Variants in PEX5L observed in about 807,000 individuals in gnomAD.
The protein encoded by PEX5L is peroxisomal biogenesis factor 5 like.
Under a neutral mutation model 84.0 loss-of-function variants are expected in PEX5L, and 30 were observed. The observed-to-expected ratio is 0.36, with a 90% CI of 0.27 to 0.48. PEX5L has a LOEUF of 0.48. Ranked by LOEUF, PEX5L falls within the 20% of genes least tolerant of loss-of-function variation. The pLI is 0.99. For synonymous variants in PEX5L, 270 were observed against 283.1 expected (o/e 0.95, Z 0.46); for missense variants, 533 against 754.6 (o/e 0.71, Z 3.44).
At chr3:179,916,449 A>C (rs958032227) in intron 2 of PEX5L, among the ~76,000 whole-genome samples, 2 of 152,212 alleles carry the variant, frequency 1.3e-5, no homozygotes, top group African/African-American at 4.8e-5. Context: ...TGGTATACCA[A>C]TATAGGGTAC....
intron 1 of PEX5L, among the ~76,000 whole-genome samples, chr3:179,972,053 A>C (rs1784895647): frequency 6.6e-6 from 1 of 152,128 alleles, no homozygotes; most frequent in Admixed American, 6.6e-5. Flanking sequence ...AAGACTTCCA[A>C]CTATTCAATG....
intron 1 of PEX5L, among the ~76,000 whole-genome samples, chr3:180,025,061 G>A (rs556170065): frequency 6.6e-5 from 10 of 152,298 alleles, no homozygotes; most frequent in Middle Eastern, 3.4e-3. Context: ...ATTAAACTGC[G>A]TAGACTGCTT....
chr3:179,844,499 C>T (rs1291452658), intron 8 of PEX5L, among the ~76,000 whole-genome samples: 1 of 152,128 alleles, frequency 6.6e-6, no homozygotes, highest in Admixed American at 6.6e-5. Context: ...CTTTAGAAGA[C>T]CAAATGAGTC....
intron 2 of PEX5L, among the ~76,000 whole-genome samples, chr3:179,910,029 G>A (rs185661810): frequency 2.9e-4 from 44 of 152,348 alleles, no homozygotes; most frequent in East Asian, 9.6e-4. Flanking sequence ...GAATGACTAC[G>A]AAGCGGTCTT....
At chr3:179,866,455 T>A (rs1488365976) in intron 7 of PEX5L, among the ~76,000 whole-genome samples, 7 of 152,322 alleles carry the variant, frequency 4.6e-5, no homozygotes, top group Non-Finnish European at 1.0e-4. Context: ...TTTTCATCTG[T>A]AAAGCATACG....
At chr3:179,887,639 C>A in intron 4 of PEX5L, 34 bp downstream of exon 4, 1 of 1,275,248 alleles carries the variant, frequency 7.8e-7, no homozygotes, top group Non-Finnish European at 1.1e-6. Context: ...AAAATTAACT[C>A]TAGTTGAGGA....
chr3:179,926,245 T>C (rs535961456), intron 2 of PEX5L, among the ~76,000 whole-genome samples: 89 of 152,214 alleles, frequency 5.8e-4, no homozygotes, highest in African/African-American at 2.0e-3. Context: ...ACTGTTTCCA[T>C]CTGACCCCAC....
intron 2 of PEX5L, among the ~76,000 whole-genome samples, chr3:179,947,300 T>C (rs1182312591): frequency 6.6e-6 from 1 of 151,920 alleles, no homozygotes; most frequent in Non-Finnish European, 1.5e-5. Flanking sequence ...ATTAATTGAA[T>C]AAAAATTATA....
intron 1 of PEX5L, among the ~76,000 whole-genome samples, chr3:179,976,560 C>T (rs568841621): frequency 6.6e-6 from 1 of 152,232 alleles, no homozygotes; most frequent in East Asian, 1.9e-4. Context: ...GCCTCAACCT[C>T]CCTAGTAGCT....
intron 8 of PEX5L, among the ~76,000 whole-genome samples, chr3:179,841,080 C>T (rs7625095): frequency 0.016 from 2,385 of 152,152 alleles, 53 homozygotes; most frequent in African/African-American, 0.051. Flanking sequence ...AGACTGGGAA[C>T]GCATCGCCAG....
At chr3:179,887,932 G>T in intron 3 of PEX5L, 148 bp from the exon 4 acceptor site, 1 of 679,842 alleles carries the variant, frequency 1.5e-6, no homozygotes. Context: ...GGGCAAGAAA[G>T]AAAAAATATC....
intron 1 of PEX5L, among the ~76,000 whole-genome samples, chr3:179,996,017 G>C (rs1787858402): frequency 6.6e-6 from 1 of 152,150 alleles, no homozygotes; most frequent in Non-Finnish European, 1.5e-5. Context: ...AACCCACACT[G>C]CCATCAGCCT....
At chr3:179,808,567 T>C (rs757039245) in intron 12 of PEX5L, 130 bp from the exon 13 acceptor site, 10 of 565,152 alleles carry the variant, frequency 1.8e-5, no homozygotes, top group Non-Finnish European at 2.7e-5. Context: ...TTAAAATACC[T>C]TAACTCAATG....
rs956369372 is a variant in PEX5L, at chr3:179,933,829, C to T, written c.94-35583G>A. 2.6e-5 allele frequency among the ~76,000 whole-genome samples: 4 copies of T among 152,340 alleles called. 1 individual carries two copies. The South Asian group carries it at 8.3e-4, about 32-fold the overall frequency. ...CTGATTCAGTAGGCCTTTGCAGAGT[C>T]CCCAAATTTGCTTGTAGGTGGTGCT... On this transcript the variant is annotated intron_variant, in intron 2 of 14. Coordinates refer to ENST00000467460, the MANE Select transcript of PEX5L (RefSeq NM_016559.3).
At chr3:180,035,817 T>C (rs2108386963) in intron 1 of PEX5L, among the ~76,000 whole-genome samples, 1 of 152,334 alleles carries the variant, frequency 6.6e-6, no homozygotes, top group East Asian at 1.9e-4. Flanking sequence ...TGAGTTAGTA[T>C]TTTATTTTTC....
At chr3:179,918,146 T>C (rs1767916732) in intron 2 of PEX5L, among the ~76,000 whole-genome samples, 1 of 152,176 alleles carries the variant, frequency 6.6e-6, no homozygotes, top group African/African-American at 2.4e-5. Context: ...TTAACTACTA[T>C]GTTTTATTGC....
chr3:179,927,781 G>C (rs1771881775), intron 2 of PEX5L, among the ~76,000 whole-genome samples: 1 of 151,966 alleles, frequency 6.6e-6, no homozygotes, highest in South Asian at 2.1e-4. Context: ...AAAGATTTTG[G>C]TTTTCATCTT....
chr3:179,892,327 G>T (rs1395471733), intron 3 of PEX5L, among the ~76,000 whole-genome samples: 1 of 152,082 alleles, frequency 6.6e-6, no homozygotes, highest in Non-Finnish European at 1.5e-5. Flanking sequence ...ACATTGTCTA[G>T]GAACCTTCTT....
chr3:179,968,389 T>C (rs1013704314), intron 2 of PEX5L, among the ~76,000 whole-genome samples: 8 of 152,118 alleles, frequency 5.3e-5, no homozygotes, highest in African/African-American at 1.9e-4. Flanking sequence ...GAAATTAATG[T>C]GTACATGAAA....
Sources: gnomAD v4.1 joint callset for allele counts (sites outside exome capture counted in the v4.1 genomes callset) on GRCh38, gnomAD v4.1.1 for gene constraint, MANE v1.5 for transcripts, NCBI Gene and HGNC (gene_info 2026-07-23, HGNC 2026-07-21) for gene names.